The following SLC35E1 variants were observed in gnomAD, a reference collection of about 807,000 sequenced individuals.
The protein encoded by SLC35E1 is solute carrier family 35 member E1, also known as solute carrier family 35, member E1.
A neutral mutation model predicts 31.0 loss-of-function variants in SLC35E1; 12 were observed. That is an observed-to-expected ratio of 0.39 (90% CI 0.25 to 0.63). The LOEUF is 0.63. Among genes scored for constraint, SLC35E1 ranks in the 20% least tolerant of loss-of-function variants. The pLI is 0.52. For missense variants in SLC35E1, 429 were observed against 572.2 expected, an observed-to-expected ratio of 0.75 and a Z score of 2.55; for synonymous variants, 257 against 264.1, an observed-to-expected ratio of 0.97 and a Z score of 0.26.
chr19:16,572,245 C>T lies in SLC35E1; in HGVS notation c.120G>A (p.Leu40=), dbSNP rs998162588. The T allele has an allele frequency of 3.3e-6, 5 of 1,520,980 alleles. No homozygotes were observed. The Admixed American group carries it at 6.2e-5, about 19-fold the overall frequency. The allele number at this position is 1,520,980 out of a possible 1,614,324, so 94.2% of individuals were successfully genotyped here. A position where few individuals can be genotyped will look rare whatever the true frequency, so the allele number is the denominator to read the frequency against. ...TGTTGACCACGTTGCCGCCCGCGCT[C>T]AGCGCGTACCACAGCAGGCACAGCG... The part of the protein sequence containing the change: ...VAALCLLWYA[L]SAGGNVVNKV... Residue 40 remains leucine, a synonymous_variant, in exon 1 of 6, where the codon CTG becomes CTA. Transcript: ENST00000595753. This position sits in a 1 kb window ranked among gnomAD's most constrained non-coding sequence, Gnocchi z 4.1.
intron 2 of SLC35E1, 46 bp from the exon 3 acceptor site, chr19:16,568,215 C>T (rs779715160): frequency 1.3e-6 from 2 of 1,551,480 alleles, no homozygotes; most frequent in Non-Finnish European, 1.7e-6. Flanking sequence ...CAGACTAGAG[C>T]TGGGCCACAT....
chr19:16,571,666 C>T lies in SLC35E1; in HGVS notation c.422-84G>A, dbSNP rs1382352633. The stretch of plus-strand genomic sequence containing the variant: ...CCACCTCCACGGCGGGATGGGAGGG[C>T]CTGGCAGCCCCTCACACCTCTTCGC... On this transcript the variant is annotated intron_variant, in intron 1 of 5. Coordinates refer to ENST00000595753, the MANE Select transcript of SLC35E1 (RefSeq NM_024881.5). 12 of 1,412,940 alleles carry T rather than the reference C, an allele frequency of 8.5e-6. No homozygotes were observed. The Admixed American group carries it at 1.9e-4, about 22-fold the overall frequency. The allele number at this position is 1,412,940 out of a possible 1,614,324, so 87.5% of individuals were successfully genotyped here. A position where few individuals can be genotyped will look rare whatever the true frequency, so the allele number is the denominator to read the frequency against.
At chr19:16,554,882 T>C (rs1386754463) in intron 5 of SLC35E1, among the ~76,000 whole-genome samples, 1 of 149,040 alleles carries the variant, frequency 6.7e-6, no homozygotes. Flanking sequence ...GGCCATCCCA[T>C]GTCCTTACAC....
At chr19:16,556,847 C>G (rs555508560) in intron 4 of SLC35E1, 14 of 471,132 alleles carry the variant, frequency 3.0e-5, no homozygotes, top group South Asian at 1.9e-4. Context: ...CTCTCAAATG[C>G]AAGAAGACAC....
chr19:16,571,499 T>C lies in SLC35E1; in HGVS notation c.492+13A>G. On this transcript the variant is annotated intron_variant, in intron 2 of 5. Transcript: ENST00000595753. ...GGAGCTCCCATCTGCCCAGAGTCCCTGCCCGGGGTTACCTTGGTGCTCTGC... is the reference window on the plus strand; with the variant it reads ...GGAGCTCCCATCTGCCCAGAGTCCCCGCCCGGGGTTACCTTGGTGCTCTGC... 1 of 1,613,702 alleles carries C rather than the reference T, an allele frequency of 6.2e-7. No individual in the cohort carries two copies. The highest frequency in any genetic ancestry group is 8.5e-7 in the Non-Finnish European group (1 of 1,179,750).
At chr19:16,563,387 A>G (rs1172639413) in intron 4 of SLC35E1, among the ~76,000 whole-genome samples, 1 of 152,172 alleles carries the variant, frequency 6.6e-6, no homozygotes, top group African/African-American at 2.4e-5. Flanking sequence ...ATAAGGACAG[A>G]GGGTGATTAT....
chr19:16,551,635 A>C lies in SLC35E1; in HGVS notation c.*2044T>G, dbSNP rs1279086508. 6.6e-6 allele frequency: 1 copy of C among 152,068 alleles called. No homozygotes were observed. The highest frequency in any genetic ancestry group is 1.5e-5 in the Non-Finnish European group (1 of 68,026). 9.4% of individuals were successfully genotyped at this position (152,068 alleles called of 1,614,324 possible). On this transcript the variant is annotated 3_prime_UTR_variant, in exon 6 of 6. Transcript: ENST00000595753. The stretch of plus-strand genomic sequence containing the variant: ...AAGCCGTGGTCCCCTCCGTGAGGGC[A>C]CGGTCCTTTCATGAAGCCGTAAAAG...
chr19:16,566,949 G>C (rs971844926), intron 3 of SLC35E1, among the ~76,000 whole-genome samples: 1 of 152,200 alleles, frequency 6.6e-6, no homozygotes, highest in African/African-American at 2.4e-5. Context: ...AGGCTGAATT[G>C]GTATAACCTT....
chr19:16,567,681 T>A (rs1270681869), intron 3 of SLC35E1, among the ~76,000 whole-genome samples: 1 of 152,102 alleles, frequency 6.6e-6, no homozygotes, highest in African/African-American at 2.4e-5. Context: ...TGTGCCTCAG[T>A]GTCTGGAGTA....
intron 5 of SLC35E1, among the ~76,000 whole-genome samples, chr19:16,554,820 G>GAAAAAA (rs59402960): frequency 1.1e-3 from 65 of 59,774 alleles, no homozygotes; most frequent in Non-Finnish European, 1.2e-3. Flanking sequence ...ACTCCATCTC[G>GAAAAAA]AAAAAAAAAA....
At chr19:16,557,138 CAA>C in intron 4 of SLC35E1, 1 of 329,916 alleles carries the variant, frequency 3.0e-6, no homozygotes, top group South Asian at 2.3e-5. Flanking sequence ...TGGTTTAAAA[CAA>C]AAAAAAAGAT....
At position 16,572,411 on chromosome 19, in the gene SLC35E1, C is replaced by CGGGCGGGGGCGGGGCT. The variant is rs1004090060; in HGVS notation, c.-48_-47insAGCCCCGCCCCCGCCC. On this transcript the variant is annotated 5_prime_UTR_variant, in exon 1 of 6. Transcript: ENST00000595753. This position sits in a 1 kb window ranked among gnomAD's most constrained non-coding sequence, Gnocchi z 4.1. ...TCCAGCCCGTCCGACGGCCCGACGC[C>CGGGCGGGGGCGGGGCT]GGGCGGGGGCGGGGCTGGGCGGGGG... The CGGGCGGGGGCGGGGCT allele has an allele frequency of 9.2e-6, 9 of 973,868 alleles. No homozygotes were observed. The highest frequency in any genetic ancestry group is 7.1e-5 in the African/African-American group (4 of 56,448). The allele number at this position is 973,868 out of a possible 1,614,324, so 60.3% of individuals were successfully genotyped here.
At chr19:16,553,940 C>A in intron 5 of SLC35E1, 31 bp from the exon 6 acceptor site, 1 of 1,551,388 alleles carries the variant, frequency 6.4e-7, no homozygotes, top group Non-Finnish European at 8.8e-7. Flanking sequence ...TGAGACAGGA[C>A]ATGCCCGGGG....
Position 16,553,627 on chromosome 19 carries a change from C to G in SLC35E1, c.*52G>C. 1 of 1,394,050 alleles carries G rather than the reference C, an allele frequency of 7.2e-7. No individual in the cohort carries two copies. The highest frequency in any genetic ancestry group is 2.4e-5 in the Admixed American group (1 of 41,360). 86.4% of individuals were successfully genotyped at this position (1,394,050 alleles called of 1,614,324 possible). On this transcript the variant is annotated 3_prime_UTR_variant, in exon 6 of 6. Coordinates refer to ENST00000595753, the MANE Select transcript of SLC35E1 (RefSeq NM_024881.5). ...TGATTGTCAGAAGTTTCTGATACTG[C>G]TGTGGGGGCCGGGGAAGGAGTCACC...
chr19:16,571,380 C>T, intron 2 of SLC35E1, 132 bp downstream of exon 2: 1 of 887,896 alleles, frequency 1.1e-6, no homozygotes, highest in South Asian at 1.4e-5. Context: ...CACTGGAGAC[C>T]TCTACACTGA....
At chr19:16,571,181 G>GT (rs1283770669) in intron 2 of SLC35E1, among the ~76,000 whole-genome samples, 3 of 152,010 alleles carry the variant, frequency 2.0e-5, no homozygotes, top group Admixed American at 1.3e-4. Flanking sequence ...CACACATGGG[G>GT]TGTATGGCCA....
rs541434716 is a variant in SLC35E1 at position 16,565,273 on chromosome 19, C to T, written c.756+1259G>A. 4.9e-5 allele frequency: 18 copies of T among 367,848 alleles called. 1 individual carries two copies. Among genetic ancestry groups the T allele is most frequent in the South Asian group, 3.2e-4 (16 of 49,684 alleles). The allele number at this position is 367,848 out of a possible 1,614,324, so 22.8% of individuals were successfully genotyped here. Reference sequence around the variant, plus strand: ...TTGCCCAGGCTGGAGTGCAGTGGTGCGATCTCGGCTCACTGCAAACTCTGC... The same window carrying T: ...TTGCCCAGGCTGGAGTGCAGTGGTGTGATCTCGGCTCACTGCAAACTCTGC... On this transcript the variant is annotated intron_variant, in intron 4 of 5. Transcript: ENST00000595753.
At chr19:16,566,462 G>C in intron 4 of SLC35E1, 70 bp downstream of exon 4, 1 of 1,598,786 alleles carries the variant, frequency 6.3e-7, no homozygotes, top group Non-Finnish European at 8.5e-7. Context: ...TGCAGCTACA[G>C]CTCCTCAACA....
intron 4 of SLC35E1, among the ~76,000 whole-genome samples, chr19:16,560,904 A>G (rs1204983283): frequency 7.0e-6 from 1 of 142,670 alleles, no homozygotes; most frequent in African/African-American, 2.6e-5. Flanking sequence ...AAAAAAAGAG[A>G]AAAAGCCTAA....
Sources: gnomAD v4.1 joint callset for allele counts (sites outside exome capture counted in the v4.1 genomes callset) on GRCh38, gnomAD v4.1.1 for gene constraint, Gnocchi (gnomAD v3.1) non-coding constraint, MANE v1.5 for transcripts, NCBI Gene and HGNC (gene_info 2026-07-23, HGNC 2026-07-21) for gene names.